The following TRAPPC12 variants were observed in gnomAD, a reference collection of about 807,000 sequenced individuals.
TRAPPC12 encodes trafficking protein particle complex subunit 12, also known as TPR repeat protein 15.
In TRAPPC12, 61 loss-of-function variants were observed where a neutral mutation model predicts 69.2. That is an observed-to-expected ratio of 0.88 (90% CI 0.72 to 1.09). The LOEUF (loss-of-function observed/expected upper bound fraction) is 1.09, where lower values mean the gene tolerates loss of function less well. TRAPPC12 is among the 50% of genes least tolerant of loss of function. The pLI, the probability that TRAPPC12 is intolerant of heterozygous loss-of-function variation, is 0.00. For missense variants in TRAPPC12, 1,101 were observed against 1,016.4 expected (o/e 1.08, Z -1.13); for synonymous variants, 469 against 438.9 (o/e 1.07, Z -0.86).
intron 3 of TRAPPC12, among the ~76,000 whole-genome samples, chr2:3,411,360 C>T (rs1662047388): frequency 6.6e-6 from 1 of 152,192 alleles, no homozygotes; most frequent in South Asian, 2.1e-4. Context: ...CATCAAAGCG[C>T]TGTCTGCATG....
chr2:3,464,838 A>C (rs975042465), intron 8 of TRAPPC12, among the ~76,000 whole-genome samples: 2 of 152,258 alleles, frequency 1.3e-5, no homozygotes, highest in Admixed American at 1.3e-4. Flanking sequence ...ATGAGTGGGC[A>C]GATGGACAGT....
At chr2:3,430,032 C>T (rs1663339025) in intron 5 of TRAPPC12, among the ~76,000 whole-genome samples, 2 of 152,280 alleles carry the variant, frequency 1.3e-5, no homozygotes, top group East Asian at 1.9e-4. Flanking sequence ...CATATACATA[C>T]ACACAGAGAA....
chr2:3,454,720 C>G (rs1665042593), intron 6 of TRAPPC12: 1 of 152,514 alleles, frequency 6.6e-6, no homozygotes, highest in Non-Finnish European at 1.5e-5. Context: ...TGAAGGACCT[C>G]ATTCCCCCTT....
intron 7 of TRAPPC12, chr2:3,458,023 G>A: frequency 8.7e-7 from 1 of 1,152,104 alleles, no homozygotes; most frequent in South Asian, 2.8e-5. Flanking sequence ...GGGCCCAGAG[G>A]GGCCTCTGCG....
At position 3,388,728 on chromosome 2, in the gene TRAPPC12, C is replaced by T. The variant is rs529458069; in HGVS notation, c.1047+58C>T. 9.8e-6 allele frequency: 14 copies of T among 1,431,974 alleles called. 1 individual carries two copies. The highest frequency in any genetic ancestry group is 3.6e-4 in the Middle Eastern group (2 of 5,586). The allele number at this position is 1,431,974 out of a possible 1,614,324, so 88.7% of individuals were successfully genotyped here. On this transcript the variant is annotated intron_variant, in intron 2 of 11. Coordinates refer to ENST00000324266, the MANE Select transcript of TRAPPC12 (RefSeq NM_016030.6). ...GCCTCCTCTCTGCGTCTGTGAGATA[C>T]GCACAGTGCCCCTTTAGGGATGGAG...
chr2:3,387,836 C>A lies in TRAPPC12; in HGVS notation c.213C>A (p.Leu71=). ...KLNEHMMESV[L]ISDSPNSEGD... is the part of the protein sequence containing the mutation. ...ACGAACACATGATGGAGAGCGTCCT[C>A]ATCTCTGACTCCCCCAACAGCGAGG... Residue 71 remains leucine, a synonymous_variant, in exon 2 of 12, where the codon CTC becomes CTA. Coordinates refer to ENST00000324266, the MANE Select transcript of TRAPPC12 (RefSeq NM_016030.6). 6.2e-7 allele frequency: 1 copy of A among 1,609,240 alleles called. No homozygotes were observed. Among genetic ancestry groups the A allele is most frequent in the Admixed American group, 1.7e-5 (1 of 59,854 alleles).
Position 3,414,791 on chromosome 2 carries a change from G to T in TRAPPC12, c.1165-7090G>T, listed in dbSNP as rs1393521963. On this transcript the variant is annotated intron_variant, in intron 3 of 11. Transcript: ENST00000324266. This position sits in a 1 kb window ranked among gnomAD's most constrained non-coding sequence, Gnocchi z 4.9. ...CCCCACCCCTGTGCCACCGGTCTCG[G>T]TGTCTCCCACACTGGAGTGTCCGTA... Among the ~76,000 whole-genome samples, 1 of 152,136 alleles carries T rather than the reference G, an allele frequency of 6.6e-6. No homozygotes were observed. Among genetic ancestry groups the T allele is most frequent in the African/African-American group, 2.4e-5 (1 of 41,426 alleles).
At chr2:3,406,253 C>A (rs913651884) in intron 3 of TRAPPC12, among the ~76,000 whole-genome samples, 8 of 152,194 alleles carry the variant, frequency 5.3e-5, no homozygotes, top group African/African-American at 1.4e-4. Context: ...CAGGCAGAGA[C>A]CCTCTCCTAA....
intron 3 of TRAPPC12, among the ~76,000 whole-genome samples, chr2:3,411,357 G>A (rs1174910546): frequency 1.3e-5 from 2 of 152,178 alleles, no homozygotes; most frequent in Non-Finnish European, 2.9e-5. Flanking sequence ...GGACATCAAA[G>A]CGCTGTCTGC....
intron 8 of TRAPPC12, chr2:3,462,818 G>T (rs1372836673): frequency 4.5e-6 from 2 of 441,284 alleles, no homozygotes; most frequent in Non-Finnish European, 9.6e-6. Context: ...CCTCCCCCGG[G>T]TGCCCCTGGG....
At chr2:3,478,043 GC>G (rs1261193200) in intron 10 of TRAPPC12, 3 of 345,782 alleles carry the variant, frequency 8.7e-6, no homozygotes, top group Non-Finnish European at 1.1e-5. Context: ...CGCTTGTATT[GC>G]CCCCGTTTTC....
chr2:3,454,733 C>T (rs993968143), intron 6 of TRAPPC12: 2 of 152,486 alleles, frequency 1.3e-5, no homozygotes, highest in East Asian at 1.9e-4. Flanking sequence ...TCCCCCTTCT[C>T]CCCTCATTGG....
chr2:3,447,554 A>G (rs931641688), intron 6 of TRAPPC12, among the ~76,000 whole-genome samples: 1 of 152,162 alleles, frequency 6.6e-6, no homozygotes, highest in African/African-American at 2.4e-5. Context: ...ATTCATTGCC[A>G]TAGGGACGGT....
At chr2:3,397,387 C>T (rs1572094990) in intron 2 of TRAPPC12, among the ~76,000 whole-genome samples, 1 of 152,190 alleles carries the variant, frequency 6.6e-6, no homozygotes, top group Non-Finnish European at 1.5e-5. Flanking sequence ...CCTGTGTGAG[C>T]TCTGGGCTTG....
At chr2:3,455,393 T>A (rs1163214175) in intron 6 of TRAPPC12, 1 of 152,206 alleles carries the variant, frequency 6.6e-6, no homozygotes, top group Non-Finnish European at 1.5e-5. Flanking sequence ...CCCTTAGTTA[T>A]TTTTTTAACG....
At chr2:3,456,729 C>A (rs1205969355) in intron 6 of TRAPPC12, 1 of 223,624 alleles carries the variant, frequency 4.5e-6, no homozygotes, top group Non-Finnish European at 8.9e-6. Context: ...CAGGCGCACA[C>A]CACCATGCCC....
chr2:3,419,897 C>G (rs1662679593), intron 3 of TRAPPC12, among the ~76,000 whole-genome samples: 2 of 152,200 alleles, frequency 1.3e-5, no homozygotes, highest in Non-Finnish European at 1.5e-5. Context: ...CCGTGGGACC[C>G]CTCACTGCTA....
chr2:3,443,477 G>A (rs112896186), intron 5 of TRAPPC12, among the ~76,000 whole-genome samples: 3,187 of 152,302 alleles, frequency 0.021, 118 homozygotes, highest in African/African-American at 0.072. Flanking sequence ...TGGAGGAGGG[G>A]TTGGCGGTCT....
At chr2:3,435,138 G>A (rs577048190) in intron 5 of TRAPPC12, among the ~76,000 whole-genome samples, 7 of 152,138 alleles carry the variant, frequency 4.6e-5, no homozygotes, top group South Asian at 4.2e-4. Flanking sequence ...TCAGCCTCCC[G>A]AGTAGCTGAG....
Sources: allele counts gnomAD v4.1 joint callset (sites outside exome capture counted in the v4.1 genomes callset), GRCh38; gene constraint gnomAD v4.1.1; non-coding constraint Gnocchi (gnomAD v3.1); transcripts MANE v1.5; gene names NCBI Gene and HGNC (gene_info 2026-07-23, HGNC 2026-07-21).